The following RGS6 variants were observed in gnomAD, a reference collection of about 807,000 sequenced individuals.
The protein encoded by RGS6 is regulator of G-protein signaling 6.
In RGS6, 30 loss-of-function variants were observed where a neutral mutation model predicts 78.5. That is an observed-to-expected ratio of 0.38 (90% CI 0.29 to 0.52). RGS6 has a LOEUF of 0.52. Ranked by LOEUF, RGS6 falls within the 20% of genes least tolerant of loss-of-function variation. The probability of loss-of-function intolerance (pLI) is 0.85; values close to 1 mark genes in which losing one functional copy is unlikely to be tolerated. For synonymous variants in RGS6, 206 were observed against 206.0 expected, an observed-to-expected ratio of 1.00 and a Z score of 0.00; for missense variants, 495 against 609.7, an observed-to-expected ratio of 0.81 and a Z score of 1.98.
chr14:72,122,740 G>GGTTTTTTTTTTTTTTT (rs776587742), intron 2 of RGS6, among the ~76,000 whole-genome samples: 1 of 132,312 alleles, frequency 7.6e-6, no homozygotes, highest in Non-Finnish European at 1.6e-5. Flanking sequence ...CTAAGTTATC[G>GGTTTTTTTTTTTTTTT]TTTTTTTTTT....
chr14:72,278,906 T>C (rs1481691160), intron 2 of RGS6, among the ~76,000 whole-genome samples: 1 of 152,126 alleles, frequency 6.6e-6, no homozygotes, highest in African/African-American at 2.4e-5. Context: ...CCCCACTTCC[T>C]GGCTGTGGGC....
At chr14:72,153,003 G>A (rs2096716136) in intron 2 of RGS6, among the ~76,000 whole-genome samples, 1 of 152,142 alleles carries the variant, frequency 6.6e-6, no homozygotes, top group African/African-American at 2.4e-5. Flanking sequence ...GGAGGGGCCA[G>A]GCTCCTCCCC....
chr14:72,354,724 A>G (rs2079893434), intron 3 of RGS6, among the ~76,000 whole-genome samples: 1 of 151,946 alleles, frequency 6.6e-6, no homozygotes, highest in Non-Finnish European at 1.5e-5. Flanking sequence ...CCCCCAAAGG[A>G]CTCCTAATGC....
chr14:71,997,834 T>C (rs1232663211), intron 2 of RGS6, among the ~76,000 whole-genome samples: 5 of 152,204 alleles, frequency 3.3e-5, no homozygotes, highest in African/African-American at 7.2e-5. Flanking sequence ...ATAATTTGGC[T>C]CTGTATCAGT....
the RGS6 span, among the ~76,000 whole-genome samples, chr14:72,593,077 G>A: frequency 6.6e-6 from 1 of 152,274 alleles, no homozygotes. Context: ...TTGTGGGCAT[G>A]CTGGAGGAGT....
chr14:72,423,693 C>T (rs1009806076), intron 3 of RGS6, among the ~76,000 whole-genome samples: 5 of 151,830 alleles, frequency 3.3e-5, no homozygotes, highest in African/African-American at 9.7e-5. Context: ...GGGAGGGGGA[C>T]GAGGGGTGAA....
chr14:72,570,682 C>G (rs2097719244), downstream of RGS6, among the ~76,000 whole-genome samples: 2 of 152,158 alleles, frequency 1.3e-5, no homozygotes, highest in African/African-American at 4.8e-5. Flanking sequence ...AGTGCTGGAA[C>G]AGACCCCAGG....
At chr14:72,213,525 T>C (rs186050656) in intron 2 of RGS6, among the ~76,000 whole-genome samples, 1 of 152,334 alleles carries the variant, frequency 6.6e-6, no homozygotes, top group Admixed American at 6.5e-5. Context: ...GTAGTGAAGC[T>C]TGTCTCCTCC....
At chr14:72,464,172 T>A (rs2095846869) in intron 6 of RGS6, among the ~76,000 whole-genome samples, 1 of 152,224 alleles carries the variant, frequency 6.6e-6, no homozygotes, top group Non-Finnish European at 1.5e-5. Context: ...TTATTTTTCT[T>A]ACTTTTTCCT....
rs375343688 is a variant in RGS6 at position 72,419,567 on chromosome 14, G to A, written c.185-34961G>A. 3.9e-4 allele frequency among the ~76,000 whole-genome samples: 60 copies of A among 152,298 alleles called. No individual in the cohort carries two copies. The East Asian group carries it at 8.1e-3, about 21-fold the overall frequency. On this transcript the variant is annotated intron_variant, in intron 3 of 17. Transcript: ENST00000553525. The stretch of plus-strand genomic sequence containing the variant: ...GCTCTGCACAAAATACAATGTGTCT[G>A]TGCACATGTGACTGTTAATCAGCCA...
intron 2 of RGS6, among the ~76,000 whole-genome samples, chr14:72,129,699 T>C (rs2096275074): frequency 6.6e-6 from 1 of 152,162 alleles, no homozygotes; most frequent in African/African-American, 2.4e-5. Flanking sequence ...GCTGAACTTC[T>C]AACATAGTGT....
At chr14:72,097,681 C>G (rs747406779) in intron 2 of RGS6, among the ~76,000 whole-genome samples, 4 of 152,186 alleles carry the variant, frequency 2.6e-5, no homozygotes, top group Admixed American at 6.5e-5. Flanking sequence ...CCTTCCTCCC[C>G]CTCCTCTGCC....
chr14:71,970,841 T>TC (rs2093758287), intron 2 of RGS6, among the ~76,000 whole-genome samples: 1 of 151,642 alleles, frequency 6.6e-6, no homozygotes, highest in Non-Finnish European at 1.5e-5. Context: ...GGTAGAGGGG[T>TC]CATGTAGTCC....
chr14:72,625,978 G>A, the RGS6 span, among the ~76,000 whole-genome samples: 16 of 152,276 alleles, frequency 1.1e-4, no homozygotes, highest in African/African-American at 3.4e-4. Context: ...AGTATTTGTG[G>A]TGCAGTTATT....
intron 2 of RGS6, among the ~76,000 whole-genome samples, chr14:71,970,647 A>T (rs1437313296): frequency 2.0e-5 from 3 of 152,166 alleles, no homozygotes; most frequent in Non-Finnish European, 4.4e-5. Context: ...CTAAGGCATG[A>T]TGAGGATTAG....
At chr14:72,166,963 A>G (rs1430023753) in intron 2 of RGS6, among the ~76,000 whole-genome samples, 2 of 152,210 alleles carry the variant, frequency 1.3e-5, no homozygotes, top group Non-Finnish European at 2.9e-5. Flanking sequence ...TTTGCCAGGT[A>G]TTGTTTTAAA....
intron 2 of RGS6, among the ~76,000 whole-genome samples, chr14:72,186,068 G>T (rs2097240890): frequency 6.6e-6 from 1 of 152,228 alleles, no homozygotes; most frequent in South Asian, 2.1e-4. Flanking sequence ...ATAGGTGATT[G>T]CCATATCTAG....
At chr14:71,908,901 A>G in the RGS6 span, among the ~76,000 whole-genome samples, 4 of 152,182 alleles carry the variant, frequency 2.6e-5, no homozygotes, top group Non-Finnish European at 5.9e-5. Context: ...AAATAACCAC[A>G]TTCTAAGCTG....
intron 17 of RGS6, chr14:72,550,752 G>A (rs535394613): frequency 5.0e-5 from 44 of 881,928 alleles, no homozygotes; most frequent in Non-Finnish European, 6.3e-5. Flanking sequence ...GGTTTCCTTG[G>A]TAGTGATTCA....
Sources: allele counts gnomAD v4.1 joint callset (sites outside exome capture counted in the v4.1 genomes callset), GRCh38; gene constraint gnomAD v4.1.1; transcripts MANE v1.5; gene names NCBI Gene and HGNC (gene_info 2026-07-23, HGNC 2026-07-21).